CRIM1: variants seen among roughly 807,000 people sequenced by gnomAD.
CRIM1 encodes cysteine-rich motor neuron 1 protein.
CRIM1 carries 32 observed loss-of-function variants against 116.4 expected under a neutral mutation model. That is an observed-to-expected ratio of 0.27 (90% CI 0.21 to 0.37). The LOEUF (loss-of-function observed/expected upper bound fraction) is 0.37, where lower values mean the gene tolerates loss of function less well. CRIM1 is among the 10% of genes least tolerant of loss of function. CRIM1 has a pLI of 1.00. For missense variants in CRIM1, 1,331 were observed against 1,354.8 expected, an observed-to-expected ratio of 0.98 and a Z score of 0.28; for synonymous variants, 590 against 509.2, an observed-to-expected ratio of 1.16 and a Z score of -2.13.
chr2:36,542,898 GCA>G (rs1340709740), intron 14 of CRIM1, among the ~76,000 whole-genome samples: 1 of 151,984 alleles, frequency 6.6e-6, no homozygotes, highest in African/African-American at 2.4e-5. Context: ...GTGAGAGTCA[GCA>G]CATTTTCTAA....
chr2:36,517,566 G>A (rs1665110601), intron 12 of CRIM1, 24 bp downstream of exon 12: 1 of 1,595,706 alleles, frequency 6.3e-7, no homozygotes, highest in Non-Finnish European at 8.6e-7. Flanking sequence ...TGCCTTGTGG[G>A]TGCTTGGTGG....
intron 2 of CRIM1, 141 bp downstream of exon 2, chr2:36,396,928 A>G (rs1488297656): frequency 1.4e-6 from 1 of 691,750 alleles, no homozygotes; most frequent in Non-Finnish European, 2.3e-6. Flanking sequence ...AAGATGCATA[A>G]AGTTTACCAG....
chr2:36,380,899 A>G (rs67501694), intron 1 of CRIM1, among the ~76,000 whole-genome samples: 23,100 of 152,210 alleles, frequency 0.15, 1,941 homozygotes, highest in Non-Finnish European at 0.18. Context: ...TTTAAAAGAT[A>G]TCTCGACCAT....
chr2:36,429,583 C>G (rs1674717752), intron 2 of CRIM1, among the ~76,000 whole-genome samples: 1 of 152,248 alleles, frequency 6.6e-6, no homozygotes, highest in South Asian at 2.1e-4. Flanking sequence ...AAAGAGAGAC[C>G]AGCACACAGA....
chr2:36,499,308 C>G lies in CRIM1; in HGVS notation c.1462C>G (p.Arg488Gly). 4 of 1,614,072 alleles carry G rather than the reference C, an allele frequency of 2.5e-6. No homozygotes were observed. Among genetic ancestry groups the G allele is most frequent in the Non-Finnish European group, 3.4e-6 (4 of 1,179,980 alleles). The change falls in exon 8 of 17, where the codon CGC (arginine) becomes GGC (glycine). Residue 488 changes from arginine to glycine, a missense_variant. Physicochemically the swap from Arg to Gly is moderately radical, Grantham distance 125 (BLOSUM62 -2). Transcript: ENST00000280527. Reference protein sequence around the residue: ...TGKDCINGFKRDHNGCRTCQC... With the variant: ...TGKDCINGFKGDHNGCRTCQC... ...GAAGGACTGCATTAATGGTTTCAAACGCGATCACAATGGTTGTCGGACCTG... is the reference window on the plus strand; with the variant it reads ...GAAGGACTGCATTAATGGTTTCAAAGGCGATCACAATGGTTGTCGGACCTG...
intron 6 of CRIM1, among the ~76,000 whole-genome samples, chr2:36,479,278 C>T (rs711251): frequency 6.6e-6 from 1 of 152,102 alleles, no homozygotes; most frequent in African/African-American, 2.4e-5. Flanking sequence ...ATCCTCTTCT[C>T]TGGGACTGCT....
Position 36,549,741 on chromosome 2 carries a change from A to C in CRIM1, c.*1040A>C, listed in dbSNP as rs1217691871. 6.6e-6 allele frequency: 1 copy of C among 152,556 alleles called. No individual in the cohort carries two copies. Among genetic ancestry groups the C allele is most frequent in the East Asian group, 1.9e-4 (1 of 5,196 alleles). The allele number at this position is 152,556 out of a possible 1,614,324, so 9.5% of individuals were successfully genotyped here. A position where few individuals can be genotyped will look rare whatever the true frequency, so the allele number is the denominator to read the frequency against. ...TTCAAGCACCTTTGTTGAAGCTCAA[A>C]AAAAATGATGCCTCTTTAAACTTTA... On this transcript the variant is annotated 3_prime_UTR_variant, in exon 17 of 17. Coordinates refer to ENST00000280527, the MANE Select transcript of CRIM1 (RefSeq NM_016441.3).
chr2:36,416,492 A>G (rs1003005413), intron 2 of CRIM1, among the ~76,000 whole-genome samples: 4 of 152,178 alleles, frequency 2.6e-5, no homozygotes, highest in African/African-American at 4.8e-5. Context: ...TGTAAGTATA[A>G]AACACATTCA....
At chr2:36,378,434 C>A in intron 1 of CRIM1, 1 of 470,908 alleles carries the variant, frequency 2.1e-6, no homozygotes, top group Non-Finnish European at 4.4e-6. Context: ...CCCAAATGGT[C>A]CAGATGCAAC....
At chr2:36,474,457 G>T (rs1328834036) in intron 5 of CRIM1, among the ~76,000 whole-genome samples, 1 of 152,116 alleles carries the variant, frequency 6.6e-6, no homozygotes, top group Non-Finnish European at 1.5e-5. Context: ...TGTAGCTGTT[G>T]TATTTAGATC....
At chr2:36,374,655 A>G (rs1191485019) in intron 1 of CRIM1, among the ~76,000 whole-genome samples, 2 of 152,006 alleles carry the variant, frequency 1.3e-5, no homozygotes, top group East Asian at 1.9e-4. Flanking sequence ...TTTCTTTTCC[A>G]TACTACTTAA....
At chr2:36,432,540 C>T (rs1674977131) in intron 2 of CRIM1, among the ~76,000 whole-genome samples, 1 of 152,148 alleles carries the variant, frequency 6.6e-6, no homozygotes, top group South Asian at 2.1e-4. Context: ...ATCCGGCTCT[C>T]CCACTCCCCA....
chr2:36,550,066 T>TGTGCGCGCGC lies in CRIM1; in HGVS notation c.*1366_*1367insTGCGCGCGCG, dbSNP rs374839318. Reference sequence around the variant, plus strand: ...ATGTGTGTGTGTGTGTGTGTGTGTGTGCGCGCGCACGCACGCCTTGAGCAG... The same window carrying TGTGCGCGCGC: ...ATGTGTGTGTGTGTGTGTGTGTGTGTGTGCGCGCGCGCGCGCGCACGCACGCCTTGAGCAG... On this transcript the variant is annotated 3_prime_UTR_variant, in exon 17 of 17. Coordinates refer to ENST00000280527, the MANE Select transcript of CRIM1 (RefSeq NM_016441.3). 1 of 149,678 alleles carries TGTGCGCGCGC rather than the reference T, an allele frequency of 6.7e-6. No individual in the cohort carries two copies. Among genetic ancestry groups the TGTGCGCGCGC allele is most frequent in the African/African-American group, 2.5e-5 (1 of 39,902 alleles). 9.3% of individuals were successfully genotyped at this position (149,678 alleles called of 1,614,324 possible).
At chr2:36,452,072 G>T (rs1676774532) in intron 4 of CRIM1, among the ~76,000 whole-genome samples, 2 of 150,520 alleles carry the variant, frequency 1.3e-5, no homozygotes, top group African/African-American at 4.9e-5. Flanking sequence ...ATGTCCATCT[G>T]TTCTAAGATA....
At chr2:36,546,184 A>T (rs1667312224) in intron 15 of CRIM1, among the ~76,000 whole-genome samples, 1 of 152,176 alleles carries the variant, frequency 6.6e-6, no homozygotes, top group Admixed American at 6.5e-5. Context: ...GCATTTAGAA[A>T]ACCTGACTAC....
At chr2:36,468,090 C>G (rs1427966162) in intron 5 of CRIM1, among the ~76,000 whole-genome samples, 1 of 152,188 alleles carries the variant, frequency 6.6e-6, no homozygotes, top group African/African-American at 2.4e-5. Context: ...ATTTTGCAAA[C>G]TGCCCAACCA....
chr2:36,499,439 T>G, intron 8 of CRIM1, 92 bp downstream of exon 8: 7 of 1,337,052 alleles, frequency 5.2e-6, no homozygotes, highest in Non-Finnish European at 7.3e-6. Context: ...TCACTTCTGT[T>G]CAGACATTCC....
Position 36,529,396 on chromosome 2 carries a change from CTTCTT to C in CRIM1, c.2428+7086_2428+7090del, listed in dbSNP as rs549862922. ...TATACCCCGACTTTTACATGGATTG[CTTCTT>C]TTAAGTCCTAAAAGAAGTTGTATTT... On this transcript the variant is annotated intron_variant, in intron 13 of 16. Transcript: ENST00000280527. 71 of 225,256 alleles carry C rather than the reference CTTCTT, an allele frequency of 3.2e-4. 1 individual carries two copies. In the Middle Eastern group the frequency reaches 7.1e-3, roughly 23 times the overall value. The allele number at this position is 225,256 out of a possible 1,614,324, so 14.0% of individuals were successfully genotyped here.
chr2:36,367,916 T>G (rs990192378), intron 1 of CRIM1, among the ~76,000 whole-genome samples: 1 of 152,172 alleles, frequency 6.6e-6, no homozygotes, highest in Non-Finnish European at 1.5e-5. Context: ...ATGTACTTCA[T>G]TAATTATTAA....
Sources: allele counts gnomAD v4.1 joint callset (sites outside exome capture counted in the v4.1 genomes callset), GRCh38; gene constraint gnomAD v4.1.1; transcripts MANE v1.5; gene names NCBI Gene and HGNC (gene_info 2026-07-23, HGNC 2026-07-21).